AGPS: variants seen among roughly 807,000 people sequenced by gnomAD.
AGPS encodes the protein alkylglycerone phosphate synthase.
A neutral mutation model predicts 90.7 loss-of-function variants in AGPS; 26 were observed. The ratio of observed to expected loss-of-function variants is 0.29; its 90% CI spans 0.21 to 0.40. AGPS has a LOEUF of 0.40. AGPS is among the 10% of genes least tolerant of loss of function. AGPS has a pLI of 1.00. For synonymous variants in AGPS, 294 were observed against 285.3 expected, an observed-to-expected ratio of 1.03 and a Z score of -0.31; for missense variants, 540 against 816.1, an observed-to-expected ratio of 0.66 and a Z score of 4.12.
chr2:177,523,434 ACT>A (rs1418366004), intron 18 of AGPS, among the ~76,000 whole-genome samples: 1 of 152,166 alleles, frequency 6.6e-6, no homozygotes, highest in African/African-American at 2.4e-5. Context: ...GTAGAACCTG[ACT>A]CTACATTTAC....
intron 19 of AGPS, among the ~76,000 whole-genome samples, chr2:177,527,690 T>C (rs1209126645): frequency 1.3e-5 from 2 of 152,152 alleles, no homozygotes; most frequent in Admixed American, 6.5e-5. Context: ...GTATAAGTTA[T>C]GTGCATTTTT....
chr2:177,430,440 T>C (rs1686209033), intron 2 of AGPS, among the ~76,000 whole-genome samples: 1 of 152,158 alleles, frequency 6.6e-6, no homozygotes, highest in South Asian at 2.1e-4. Context: ...TGAGTGACTG[T>C]TCTTTTGAGA....
intron 13 of AGPS, among the ~76,000 whole-genome samples, chr2:177,497,966 C>T (rs1688458849): frequency 6.6e-6 from 1 of 151,786 alleles, no homozygotes; most frequent in Admixed American, 6.6e-5. Flanking sequence ...AGTTTTGAAG[C>T]TTCTAAAAAT....
chr2:177,497,648 C>A, intron 12 of AGPS, 41 bp from the exon 13 acceptor site: 2 of 1,172,554 alleles, frequency 1.7e-6, no homozygotes, highest in Non-Finnish European at 1.2e-6. Context: ...TTCTGAAAAA[C>A]ATAGACTAAC....
chr2:177,458,614 C>A (rs564486450), intron 8 of AGPS, among the ~76,000 whole-genome samples: 72 of 152,250 alleles, frequency 4.7e-4, no homozygotes, highest in African/African-American at 1.7e-3. Context: ...ATCCAACTTA[C>A]AAGGGATGTG....
At chr2:177,425,861 T>C (rs567687448) in intron 2 of AGPS, among the ~76,000 whole-genome samples, 1 of 152,274 alleles carries the variant, frequency 6.6e-6, no homozygotes, top group African/African-American at 2.4e-5. Flanking sequence ...TGTAGGATTG[T>C]CTTGGCTATA....
chr2:177,501,926 A>T (rs1484813869), intron 14 of AGPS, among the ~76,000 whole-genome samples: 2 of 152,186 alleles, frequency 1.3e-5, no homozygotes, highest in African/African-American at 4.8e-5. Context: ...TTGGCCTCCC[A>T]AAGTGCTGGG....
chr2:177,521,228 C>T (rs1485480058), intron 17 of AGPS, 41 bp from the exon 18 acceptor site: 1 of 1,534,122 alleles, frequency 6.5e-7, no homozygotes, highest in African/African-American at 1.4e-5. Flanking sequence ...TCTGATTTCA[C>T]TTAACTTAAA....
At chr2:177,396,959 T>C (rs1026670297) in intron 1 of AGPS, among the ~76,000 whole-genome samples, 2 of 151,218 alleles carry the variant, frequency 1.3e-5, no homozygotes, top group African/African-American at 4.9e-5. Context: ...TTTTTTTTGC[T>C]ATGGAGTCTT....
At chr2:177,485,065 G>C (rs895252790) in intron 11 of AGPS, among the ~76,000 whole-genome samples, 1 of 152,142 alleles carries the variant, frequency 6.6e-6, no homozygotes, top group African/African-American at 2.4e-5. Flanking sequence ...ACCATGCCCG[G>C]CCCCAAATTA....
intron 3 of AGPS, among the ~76,000 whole-genome samples, chr2:177,435,884 G>A (rs1271460129): frequency 6.6e-6 from 1 of 152,066 alleles, no homozygotes; most frequent in Middle Eastern, 3.2e-3. Context: ...CCTTATAGTA[G>A]CACTATGGTG....
At chr2:177,471,846 A>G (rs1296800453) in intron 10 of AGPS, among the ~76,000 whole-genome samples, 1 of 152,164 alleles carries the variant, frequency 6.6e-6, no homozygotes, top group African/African-American at 2.4e-5. Context: ...AGTTTCTTTA[A>G]AATGCTATTT....
At chr2:177,494,239 T>A (rs1300502211) in intron 12 of AGPS, among the ~76,000 whole-genome samples, 2 of 152,026 alleles carry the variant, frequency 1.3e-5, no homozygotes, top group Non-Finnish European at 2.9e-5. Flanking sequence ...TGGTTATAGT[T>A]ACATAGAAAC....
chr2:177,514,753 C>T (rs1688976582), intron 17 of AGPS, among the ~76,000 whole-genome samples: 1 of 151,750 alleles, frequency 6.6e-6, no homozygotes, highest in Non-Finnish European at 1.5e-5. Flanking sequence ...GAAGAGATAC[C>T]CTTTAGAATT....
At chr2:177,473,658 A>G (rs1687691392) in intron 10 of AGPS, among the ~76,000 whole-genome samples, 1 of 152,256 alleles carries the variant, frequency 6.6e-6, no homozygotes, top group African/African-American at 2.4e-5. Flanking sequence ...AAAAAGAATC[A>G]ATAAATACAT....
chr2:177,420,316 T>G lies in AGPS; in HGVS notation c.308T>G (p.Phe103Cys). The change falls in exon 2 of 20, where the codon TTC becomes TGC. Residue 103 changes from phenylalanine (F) to cysteine (C), a missense_variant. Physicochemically the swap from Phe to Cys is radical, Grantham distance 205. Around this residue, in one of 2 missense-constraint regions of AGPS, gnomAD observed 405 missense variants for 692.1 expected, o/e 0.59. Transcript: ENST00000264167. The stretch of plus-strand genomic sequence containing the variant: ...GGATGGGGATATAATGATTCTAAAT[T>G]CATCTTCAATAAGAAGGGCCAAATT... ...WNGWGYNDSK[F>C]IFNKKGQIEL... is the part of the protein sequence containing the mutation. The G allele has an allele frequency of 6.2e-7, 1 of 1,610,942 alleles. No individual in the cohort carries two copies. The highest frequency in any genetic ancestry group is 8.5e-7 in the Non-Finnish European group (1 of 1,177,638).
At chr2:177,511,000 T>C (rs1688852935) in intron 16 of AGPS, among the ~76,000 whole-genome samples, 1 of 152,216 alleles carries the variant, frequency 6.6e-6, no homozygotes, top group Non-Finnish European at 1.5e-5. Context: ...AGGTTCTCAA[T>C]GAATATTCTT....
intron 11 of AGPS, among the ~76,000 whole-genome samples, chr2:177,491,530 G>C (rs996706849): frequency 2.0e-5 from 3 of 150,784 alleles, no homozygotes; most frequent in East Asian, 3.9e-4. Flanking sequence ...GCCTCCCTTG[G>C]CTTCCCAAAG....
At chr2:177,442,724 G>A (rs560944514) in intron 7 of AGPS, among the ~76,000 whole-genome samples, 3 of 150,264 alleles carry the variant, frequency 2.0e-5, no homozygotes, top group Non-Finnish European at 4.4e-5. Flanking sequence ...GTGTGTGCCT[G>A]TAATCCCAGC....
Sources: allele counts gnomAD v4.1 joint callset (sites outside exome capture counted in the v4.1 genomes callset), GRCh38; gene constraint gnomAD v4.1.1; regional missense constraint gnomAD v4.1.1; transcripts MANE v1.5; gene names NCBI Gene and HGNC (gene_info 2026-07-23, HGNC 2026-07-21).